The following COL5A1 variants were observed in gnomAD, a reference collection of about 807,000 sequenced individuals.
COL5A1 encodes the protein collagen type V alpha 1 chain.
In COL5A1, 16 loss-of-function variants were observed where a neutral mutation model predicts 263.7. The observed-to-expected ratio is 0.06, with a 90% CI of 0.04 to 0.09. COL5A1 has a LOEUF of 0.09. Ranked by LOEUF, COL5A1 falls within the 10% of genes least tolerant of loss-of-function variation. The probability of loss-of-function intolerance (pLI) is 1.00; values close to 1 mark genes in which losing one functional copy is unlikely to be tolerated. For missense variants in COL5A1, 2,036 were observed against 2,540.5 expected (o/e 0.80, Z 4.27); for synonymous variants, 1,012 against 1,004.5 (o/e 1.01, Z -0.14).
At chr9:134,814,341 G>A (rs1838657684) in intron 49 of COL5A1, among the ~76,000 whole-genome samples, 1 of 152,184 alleles carries the variant, frequency 6.6e-6, no homozygotes, top group Non-Finnish European at 1.5e-5. Flanking sequence ...CGGACCTTGA[G>A]GGCCAGACTA....
intron 11 of COL5A1, among the ~76,000 whole-genome samples, chr9:134,744,883 CTGCACACACACTCATGCACATA>C (rs896588867): frequency 1.3e-5 from 2 of 151,918 alleles, no homozygotes; most frequent in African/African-American, 4.8e-5. Context: ...ACTCACACAC[CTGCACACACACTCATGCACATA>C]TGCACACACC....
chr9:134,761,038 T>C (rs1836407913), intron 18 of COL5A1, among the ~76,000 whole-genome samples: 1 of 120,596 alleles, frequency 8.3e-6, no homozygotes, highest in Non-Finnish European at 1.7e-5. Context: ...GTGCACAGGC[T>C]CCACACATGC....
intron 4 of COL5A1, among the ~76,000 whole-genome samples, chr9:134,720,447 G>A (rs1447437674): frequency 2.0e-5 from 3 of 152,220 alleles, no homozygotes. Flanking sequence ...CATATCACAG[G>A]ATGCACTGTG....
chr9:134,831,260 A>ATC (rs1386715309), intron 64 of COL5A1, among the ~76,000 whole-genome samples: 2 of 152,210 alleles, frequency 1.3e-5, no homozygotes, highest in African/African-American at 2.4e-5. Flanking sequence ...CTGATTATTC[A>ATC]TCTCTCGTGC....
rs977343671 is a variant in COL5A1, at chr9:134,836,086, G to A, written c.5370+882G>A. ...CACCACTTATTCTTGAGAGACCTGC[G>A]GAAAGCAGCCCTTAGCGCCTCGCTC... On this transcript the variant is annotated intron_variant, in intron 65 of 65. Transcript: ENST00000371817. 5.3e-5 allele frequency among the ~76,000 whole-genome samples: 8 copies of A among 152,194 alleles called. No homozygotes were observed. The East Asian group carries it at 7.7e-4, about 15-fold the overall frequency.
rs146801415 is a variant in COL5A1, at chr9:134,731,405, C to T, written c.1165-91C>T. 4.4e-4 allele frequency: 583 copies of T among 1,327,896 alleles called. 3 individuals are homozygous for T. In the African/African-American group the frequency reaches 6.9e-3, roughly 16 times the overall value. 82.3% of individuals were successfully genotyped at this position (1,327,896 alleles called of 1,614,324 possible). On this transcript the variant is annotated intron_variant, in intron 7 of 65. Coordinates refer to ENST00000371817, the MANE Select transcript of COL5A1 (RefSeq NM_000093.5). ...GATCTGGGATCTCTGCCCAGTTGAC[C>T]GGATAGCCACAGTGCCCGCCCAGGG... is the stretch of plus-strand genomic sequence containing the variant.
chr9:134,661,009 C>T (rs1214877078), intron 1 of COL5A1, among the ~76,000 whole-genome samples: 1 of 152,064 alleles, frequency 6.6e-6, no homozygotes, highest in Non-Finnish European at 1.5e-5. Flanking sequence ...GTGAACCATG[C>T]ACCTGGGTTC....
intron 46 of COL5A1, 68 bp downstream of exon 46, chr9:134,811,667 C>A: frequency 7.7e-7 from 1 of 1,293,836 alleles, no homozygotes; most frequent in South Asian, 1.3e-5. Context: ...TCATTGTGCT[C>A]TCTCCTCTTG....
intron 4 of COL5A1, chr9:134,709,361 C>T (rs1297782373): frequency 6.8e-6 from 2 of 294,962 alleles, no homozygotes; most frequent in Admixed American, 1.0e-4. Flanking sequence ...GCCCCGTGGG[C>T]ATCTCCCTGG....
At position 134,690,784 on chromosome 9, in the gene COL5A1, G is replaced by C. The variant is rs989805695; in HGVS notation, c.110-128G>C. On this transcript the variant is annotated intron_variant, in intron 1 of 65. Coordinates refer to ENST00000371817, the MANE Select transcript of COL5A1 (RefSeq NM_000093.5). Reference sequence around the variant, plus strand: ...GCACGCGGCTCTAAGCTGGTCCTGGGGCTCTTCTGAGTGCCCAGGATTCAC... The same window carrying C: ...GCACGCGGCTCTAAGCTGGTCCTGGCGCTCTTCTGAGTGCCCAGGATTCAC... 4 of 1,163,384 alleles carry C rather than the reference G, an allele frequency of 3.4e-6. No homozygotes were observed. The African/African-American group carries it at 4.6e-5, about 13-fold the overall frequency. 72.1% of individuals were successfully genotyped at this position (1,163,384 alleles called of 1,614,324 possible). A position where few individuals can be genotyped will look rare whatever the true frequency, so the allele number is the denominator to read the frequency against.
At chr9:134,688,943 G>A (rs181699918) in intron 1 of COL5A1, among the ~76,000 whole-genome samples, 1 of 152,238 alleles carries the variant, frequency 6.6e-6, no homozygotes, top group Admixed American at 6.5e-5. Flanking sequence ...GCCCTGCCCA[G>A]GCTGCTGTCT....
In COL5A1 at chr9:134,720,787, A is replaced by T. The variant is rs1339909637; in HGVS notation, c.655-6479A>T. Among the ~76,000 whole-genome samples the T allele has an allele frequency of 1.3e-5, 2 of 152,248 alleles. 1 individual carries two copies. ...AGGTGGCTGGGCTGGACGTCTCCAC[A>T]TGCTGACCTGGCTTCCAGAGAGGAG... On this transcript the variant is annotated intron_variant, in intron 4 of 65. Coordinates refer to ENST00000371817, the MANE Select transcript of COL5A1 (RefSeq NM_000093.5).
At chr9:134,811,715 G>GGCCCAGGA in intron 46 of COL5A1, 116 bp downstream of exon 46, 1 of 821,140 alleles carries the variant, frequency 1.2e-6, no homozygotes, top group Non-Finnish European at 2.0e-6. Flanking sequence ...AGGCTGCAGG[G>GGCCCAGGA]GGCCTCCTGG....
chr9:134,809,148 G>A (rs1439726417), intron 42 of COL5A1, 35 bp from the exon 43 acceptor site: 3 of 1,522,598 alleles, frequency 2.0e-6, no homozygotes, highest in Non-Finnish European at 2.7e-6. Flanking sequence ...CCAGGTTGGA[G>A]CCACGTTTGA....
chr9:134,839,275 G>A (rs946127709), intron 65 of COL5A1, among the ~76,000 whole-genome samples: 1 of 152,216 alleles, frequency 6.6e-6, no homozygotes, highest in African/African-American at 2.4e-5. Flanking sequence ...CCTCTGGGGG[G>A]CCGTTCTGGC....
chr9:134,643,868 C>G (rs144321213), intron 1 of COL5A1, among the ~76,000 whole-genome samples: 133 of 152,248 alleles, frequency 8.7e-4, no homozygotes, highest in African/African-American at 2.9e-3. Context: ...TGGGGCAGGG[C>G]ACTGCCTGGG....
chr9:134,744,711 TCACA>T (rs144862090), intron 11 of COL5A1, among the ~76,000 whole-genome samples: 3 of 147,460 alleles, frequency 2.0e-5, no homozygotes, highest in African/African-American at 7.6e-5. Context: ...ATACATGCTC[TCACA>T]CAGTTACACA....
At chr9:134,643,077 C>G (rs139729475) in intron 1 of COL5A1, among the ~76,000 whole-genome samples, 12 of 152,308 alleles carry the variant, frequency 7.9e-5, no homozygotes, top group Non-Finnish European at 1.6e-4. Flanking sequence ...AAGGGTCAGC[C>G]CTTAGAAGGA....
intron 4 of COL5A1, among the ~76,000 whole-genome samples, chr9:134,725,354 AG>A (rs1442446543): frequency 6.6e-6 from 1 of 152,236 alleles, no homozygotes; most frequent in African/African-American, 2.4e-5. Context: ...GACCAGGTGC[AG>A]GCTCTTTACC....
Sources: allele counts gnomAD v4.1 joint callset (sites outside exome capture counted in the v4.1 genomes callset), GRCh38; gene constraint gnomAD v4.1.1; transcripts MANE v1.5; gene names NCBI Gene and HGNC (gene_info 2026-07-23, HGNC 2026-07-21).